The following RAB3IL1 variants were observed in gnomAD, a reference collection of about 807,000 sequenced individuals.
RAB3IL1 encodes the protein guanine nucleotide exchange factor for Rab-3A.
RAB3IL1 carries 37 observed loss-of-function variants against 49.2 expected under a neutral mutation model. The observed-to-expected ratio is 0.75, with a 90% confidence interval of 0.58 to 0.99. The LOEUF is 0.99. RAB3IL1 is among the 50% of genes least tolerant of loss of function. RAB3IL1 has a pLI of 0.00. For synonymous variants in RAB3IL1, 193 were observed against 213.9 expected, an observed-to-expected ratio of 0.90 and a Z score of 0.85; for missense variants, 484 against 513.0, an observed-to-expected ratio of 0.94 and a Z score of 0.55.
At chr11:61,912,829 G>A (rs924604077) in intron 1 of RAB3IL1, among the ~76,000 whole-genome samples, 4 of 151,998 alleles carry the variant, frequency 2.6e-5, no homozygotes, top group African/African-American at 7.3e-5. Context: ...AGCCAGGCAG[G>A]ACCTGGGCTA....
At chr11:61,940,096 G>A in the RAB3IL1 span, among the ~76,000 whole-genome samples, 1 of 152,110 alleles carries the variant, frequency 6.6e-6, no homozygotes, top group African/African-American at 2.4e-5. Flanking sequence ...AGTGAGCTAT[G>A]ATCGTACCAC....
upstream of RAB3IL1, among the ~76,000 whole-genome samples, chr11:61,919,723 C>G (rs188257657): frequency 4.9e-4 from 75 of 152,322 alleles, 2 homozygotes; most frequent in Non-Finnish European, 2.8e-4. Flanking sequence ...CCTCTATCTC[C>G]CTCTGCCTGC....
At chr11:61,912,289 G>A (rs931957163) in intron 1 of RAB3IL1, among the ~76,000 whole-genome samples, 5 of 152,206 alleles carry the variant, frequency 3.3e-5, no homozygotes, top group Admixed American at 1.3e-4. Context: ...GGCCTGTTCA[G>A]ATTCACGCTC....
At chr11:61,939,136 C>T in the RAB3IL1 span, among the ~76,000 whole-genome samples, 3 of 151,512 alleles carry the variant, frequency 2.0e-5, no homozygotes, top group African/African-American at 7.3e-5. Flanking sequence ...TATGTTAGAC[C>T]ACAAAATAAG....
chr11:61,924,787 G>A (rs971115598), upstream of RAB3IL1, among the ~76,000 whole-genome samples: 1 of 152,194 alleles, frequency 6.6e-6, no homozygotes, highest in African/African-American at 2.4e-5. Context: ...GAGGAAGGAA[G>A]GAGGGGATTC....
the RAB3IL1 span, among the ~76,000 whole-genome samples, chr11:61,936,129 A>G: frequency 2.6e-3 from 403 of 152,342 alleles, no homozygotes; most frequent in Non-Finnish European, 5.0e-3. Flanking sequence ...ACAAGAATGG[A>G]GAAAAGCAAA....
chr11:61,945,094 G>A, the RAB3IL1 span, among the ~76,000 whole-genome samples: 2 of 152,164 alleles, frequency 1.3e-5, no homozygotes, highest in Non-Finnish European at 2.9e-5. Context: ...TCTGAGGCAG[G>A]GAAAGGCAGC....
upstream of RAB3IL1, chr11:61,920,127 C>A: frequency 1.5e-6 from 2 of 1,349,580 alleles, no homozygotes; most frequent in Non-Finnish European, 9.6e-7. Flanking sequence ...TCCCTGCACT[C>A]ATGGCCAGGA....
chr11:61,909,022 T>C lies in RAB3IL1; in HGVS notation c.12-716A>G, dbSNP rs942550261. Among the ~76,000 whole-genome samples the C allele has an allele frequency of 5.3e-5, 8 of 152,190 alleles. No homozygotes were observed. The East Asian group carries it at 9.7e-4, about 18-fold the overall frequency. On this transcript the variant is annotated intron_variant, in intron 1 of 9. Coordinates refer to ENST00000394836, the MANE Select transcript of RAB3IL1 (RefSeq NM_013401.4). Reference sequence around the variant, plus strand: ...ACCCTGGAGGTGGTGTGAGGCCTCATTCCGCCCCCACCCACACTCTCCACT... The same window carrying C: ...ACCCTGGAGGTGGTGTGAGGCCTCACTCCGCCCCCACCCACACTCTCCACT...
At chr11:61,916,166 T>C (rs1381734679) in intron 1 of RAB3IL1, among the ~76,000 whole-genome samples, 2 of 151,994 alleles carry the variant, frequency 1.3e-5, no homozygotes, top group Non-Finnish European at 2.9e-5. Flanking sequence ...ATCAATATTG[T>C]GAAACCCCGT....
intron 8 of RAB3IL1, among the ~76,000 whole-genome samples, chr11:61,899,971 C>T (rs174469): frequency 0.14 from 21,483 of 152,262 alleles, 1,853 homozygotes; most frequent in East Asian, 0.34. Context: ...ACTCACACCA[C>T]GGAGAGGGTA....
rs1213532427 is a variant in RAB3IL1, at chr11:61,898,550, C to A, written c.1067-190G>T. The stretch of plus-strand genomic sequence containing the variant: ...CTCCACTCTTGAGCCTTGGAAACTG[C>A]TGAGTGCCGACCACACCCGAGGGAT... On this transcript the variant is annotated intron_variant, in intron 9 of 9. Coordinates refer to ENST00000394836, the MANE Select transcript of RAB3IL1 (RefSeq NM_013401.4). The surrounding 1 kb of genome is among the most constrained non-coding windows in gnomAD (Gnocchi z 5.1). Among the ~76,000 whole-genome samples, 1 of 152,208 alleles carries A rather than the reference C, an allele frequency of 6.6e-6. No individual in the cohort carries two copies.
the RAB3IL1 span, among the ~76,000 whole-genome samples, chr11:61,941,135 C>T: frequency 0.01 from 1,595 of 152,042 alleles, 33 homozygotes; most frequent in African/African-American, 0.036. Flanking sequence ...AGAAAAACTA[C>T]TACCAACCTT....
At chr11:61,939,435 T>A in the RAB3IL1 span, among the ~76,000 whole-genome samples, 4 of 151,954 alleles carry the variant, frequency 2.6e-5, no homozygotes, top group East Asian at 7.7e-4. Context: ...AGATCTCCAA[T>A]TAATAACCTA....
At chr11:61,936,307 T>C in the RAB3IL1 span, among the ~76,000 whole-genome samples, 1 of 152,220 alleles carries the variant, frequency 6.6e-6, no homozygotes. Flanking sequence ...TCAATAAGCC[T>C]AATGAATCCC....
intron 1 of RAB3IL1, among the ~76,000 whole-genome samples, chr11:61,912,262 C>A (rs1361526866): frequency 6.6e-6 from 1 of 152,172 alleles, no homozygotes; most frequent in Admixed American, 6.5e-5. Flanking sequence ...CTCCCCGGGG[C>A]GGTGCCTTGG....
the RAB3IL1 span, chr11:61,945,914 G>A: frequency 1.6e-6 from 1 of 633,984 alleles, no homozygotes; most frequent in Non-Finnish European, 2.0e-6. Flanking sequence ...GATGAAGTTG[G>A]ACCTAGGTGT....
At chr11:61,926,014 AC>A in the RAB3IL1 span, among the ~76,000 whole-genome samples, 50 of 148,642 alleles carry the variant, frequency 3.4e-4, no homozygotes, top group African/African-American at 1.2e-3. Flanking sequence ...GACTTTCTAA[AC>A]TTGGAAACAT....
At chr11:61,913,338 C>G (rs1272179765) in intron 1 of RAB3IL1, among the ~76,000 whole-genome samples, 1 of 152,090 alleles carries the variant, frequency 6.6e-6, no homozygotes, top group East Asian at 1.9e-4. Context: ...AGGTGGGAAC[C>G]AAGGTGGGCC....
Sources: gnomAD v4.1 joint callset for allele counts (sites outside exome capture counted in the v4.1 genomes callset) on GRCh38, gnomAD v4.1.1 for gene constraint, Gnocchi (gnomAD v3.1) non-coding constraint, MANE v1.5 for transcripts, NCBI Gene and HGNC (gene_info 2026-07-23, HGNC 2026-07-21) for gene names.